The following SLTM variants were observed in gnomAD, a reference collection of about 807,000 sequenced individuals.
SLTM encodes the protein SAFB like transcription modulator.
A neutral mutation model predicts 134.6 loss-of-function variants in SLTM; 43 were observed. That is an observed-to-expected ratio of 0.32 (90% CI 0.25 to 0.41). The LOEUF (loss-of-function observed/expected upper bound fraction) is 0.41. SLTM is among the 10% of genes least tolerant of loss of function. SLTM has a pLI of 1.00. For synonymous variants in SLTM, 424 were observed against 432.3 expected (o/e 0.98, Z 0.24); for missense variants, 1,055 against 1,288.8 (o/e 0.82, Z 2.78).
chr15:58,891,300 A>G (rs986770556), intron 14 of SLTM, among the ~76,000 whole-genome samples: 2 of 152,238 alleles, frequency 1.3e-5, no homozygotes, highest in Admixed American at 1.3e-4. Context: ...GTCGTACACA[A>G]CAAGAACCAT....
intron 2 of SLTM, among the ~76,000 whole-genome samples, chr15:58,927,540 G>C (rs2037565379): frequency 6.6e-6 from 1 of 152,110 alleles, no homozygotes; most frequent in African/African-American, 2.4e-5. Context: ...CAAAGTACTG[G>C]GATTACAGGC....
At chr15:58,898,595 T>G (rs2035259541) in intron 8 of SLTM, 1 of 360,534 alleles carries the variant, frequency 2.8e-6, no homozygotes, top group Non-Finnish European at 4.6e-6. Context: ...CGTACCCCAT[T>G]ACCAGTTTAC....
Position 58,933,115 on chromosome 15 carries a change from G to C in SLTM, c.162+289C>G, listed in dbSNP as rs996861028. Among the ~76,000 whole-genome samples, 5 of 152,054 alleles carry C rather than the reference G, an allele frequency of 3.3e-5. No individual in the cohort carries two copies. The East Asian group carries it at 9.7e-4, about 29-fold the overall frequency. ...GCGATCGCCCTTGGGAGGCCGCGCC[G>C]GCCGGCCGCAACCCTCGCAGCCTGG... On this transcript the variant is annotated intron_variant, in intron 1 of 20. Transcript: ENST00000380516.
chr15:58,910,812 T>G (rs1193143197), intron 5 of SLTM, among the ~76,000 whole-genome samples: 1 of 148,216 alleles, frequency 6.7e-6, no homozygotes, highest in African/African-American at 2.5e-5. Context: ...TGGCACAATC[T>G]CGGCTCACTG....
At chr15:58,897,839 T>C (rs1359997182) in intron 8 of SLTM, 2 of 152,130 alleles carry the variant, frequency 1.3e-5, no homozygotes, top group African/African-American at 4.8e-5. Flanking sequence ...AAATCCTTTA[T>C]AATAGGTAAA....
intron 5 of SLTM, among the ~76,000 whole-genome samples, chr15:58,904,883 G>A (rs1318783967): frequency 6.6e-6 from 1 of 152,104 alleles, no homozygotes; most frequent in Non-Finnish European, 1.5e-5. Context: ...GCTAATTTTT[G>A]TATTTTTAGT....
At chr15:58,918,047 G>A (rs1395441824) in intron 2 of SLTM, among the ~76,000 whole-genome samples, 2 of 150,714 alleles carry the variant, frequency 1.3e-5, no homozygotes, top group Non-Finnish European at 1.5e-5. Flanking sequence ...GAGCCATTGC[G>A]CCCAGCTGGT....
At position 58,880,074 on chromosome 15, in the gene SLTM, G is replaced by C. The variant is rs1282375307; in HGVS notation, c.3030C>G (p.Ile1010Met). The C allele has an allele frequency of 1.2e-6, 2 of 1,614,002 alleles. No individual in the cohort carries two copies. Among genetic ancestry groups the C allele is most frequent in the Admixed American group, 3.3e-5 (2 of 59,992 alleles). The change falls in exon 21 of 21, where the codon ATC becomes ATG. Residue 1010 changes from isoleucine to methionine, a missense_variant. This residue lies in a region of SLTM where 776 missense variants were observed against 962.2 expected (regional missense o/e 0.81). Transcript: ENST00000380516. ...TTCCTCTTGGCATGGAATTGCCACT[G>C]ATTTGTACAATTCTATTAATTGGGG... is the stretch of plus-strand genomic sequence containing the variant. ...NASPINRIVQ[I>M]SGNSMPRGSG...
intron 19 of SLTM, 45 bp from the exon 20 acceptor site, chr15:58,883,831 C>T (rs1481109494): frequency 6.2e-7 from 1 of 1,605,118 alleles, no homozygotes. Context: ...GGCGCAGTGG[C>T]TCATACCTAT....
intron 2 of SLTM, among the ~76,000 whole-genome samples, chr15:58,929,760 T>G (rs1196300685): frequency 6.6e-6 from 1 of 151,832 alleles, no homozygotes; most frequent in Non-Finnish European, 1.5e-5. Flanking sequence ...AGAAAACATC[T>G]CTGCCATTTT....
intron 1 of SLTM, 74 bp from the exon 2 acceptor site, chr15:58,932,517 A>C: frequency 8.5e-7 from 1 of 1,183,206 alleles, no homozygotes; most frequent in Non-Finnish European, 1.2e-6. Context: ...ATGAAAAAAA[A>C]TTTAGCAAAC....
At position 58,899,083 on chromosome 15, in the gene SLTM, T is replaced by C. The variant is rs188125454; in HGVS notation, c.1059-231A>G. 4.3e-6 allele frequency: 2 copies of C among 463,656 alleles called. No homozygotes were observed. Among genetic ancestry groups the C allele is most frequent in the African/African-American group, 2.0e-5 (1 of 48,830 alleles). The allele number at this position is 463,656 out of a possible 1,614,324, so 28.7% of individuals were successfully genotyped here. A position where few individuals can be genotyped will look rare whatever the true frequency, so the allele number is the denominator to read the frequency against. ...CTGACAATTCTATTCAGTGGAAATA[T>C]GGCCATCTTCTCCAGATTTCAGGAC... is the stretch of plus-strand genomic sequence containing the variant. On this transcript the variant is annotated intron_variant, in intron 7 of 20. Coordinates refer to ENST00000380516, the MANE Select transcript of SLTM (RefSeq NM_024755.4). The surrounding 1 kb of genome is among the most constrained non-coding windows in gnomAD (Gnocchi z 5.0).
intron 2 of SLTM, among the ~76,000 whole-genome samples, chr15:58,927,769 C>T (rs1446723567): frequency 1.3e-5 from 2 of 152,132 alleles, no homozygotes; most frequent in African/African-American, 4.8e-5. Context: ...AACAATTATA[C>T]GCCCAAAGTC....
At chr15:58,886,428 G>A (rs1469432351) in intron 19 of SLTM, among the ~76,000 whole-genome samples, 2 of 151,880 alleles carry the variant, frequency 1.3e-5, no homozygotes, top group East Asian at 1.9e-4. Flanking sequence ...CACCACGCCC[G>A]GCTAATTTTT....
intron 2 of SLTM, among the ~76,000 whole-genome samples, chr15:58,921,878 C>T (rs1277108465): frequency 6.6e-6 from 1 of 151,998 alleles, no homozygotes; most frequent in Admixed American, 6.6e-5. Flanking sequence ...CAGGTTCAAG[C>T]GATTCTCATG....
intron 8 of SLTM, chr15:58,898,277 A>G (rs1174273799): frequency 2.0e-5 from 3 of 152,258 alleles, no homozygotes; most frequent in African/African-American, 7.2e-5. Flanking sequence ...CACATGTACA[A>G]GATGAAACTA....
chr15:58,916,050 A>T (rs1439649407), intron 3 of SLTM, among the ~76,000 whole-genome samples: 1 of 152,190 alleles, frequency 6.6e-6, no homozygotes, highest in African/African-American at 2.4e-5. Flanking sequence ...CACAACCCCA[A>T]TTAAAATTAC....
intron 6 of SLTM, chr15:58,900,286 A>T (rs1221969832): frequency 9.6e-6 from 2 of 208,364 alleles, no homozygotes; most frequent in African/African-American, 4.7e-5. Context: ...TTGTTGTTCA[A>T]TGCTGGAATT....
intron 2 of SLTM, among the ~76,000 whole-genome samples, chr15:58,920,394 T>C (rs1312335943): frequency 1.1e-4 from 16 of 151,444 alleles, no homozygotes; most frequent in African/African-American, 3.9e-4. Flanking sequence ...GAGGCCAAGG[T>C]AGGTGGATCA....
Sources: allele counts gnomAD v4.1 joint callset (sites outside exome capture counted in the v4.1 genomes callset), GRCh38; gene constraint gnomAD v4.1.1; regional missense constraint gnomAD v4.1.1; non-coding constraint Gnocchi (gnomAD v3.1); transcripts MANE v1.5; gene names NCBI Gene and HGNC (gene_info 2026-07-23, HGNC 2026-07-21).